PLSCR2: variants seen among roughly 807,000 people sequenced by gnomAD.
The protein encoded by PLSCR2 is phospholipid scramblase 2.
A neutral mutation model predicts 25.3 loss-of-function variants in PLSCR2; 18 were observed. That is an observed-to-expected ratio of 0.71 (90% confidence interval 0.49 to 1.06). The LOEUF (loss-of-function observed/expected upper bound fraction) is 1.06. PLSCR2 is among the 50% of genes least tolerant of loss of function. The pLI is 0.00. For synonymous variants in PLSCR2, 88 were observed against 87.3 expected, an observed-to-expected ratio of 1.01 and a Z score of -0.04; for missense variants, 243 against 269.5, an observed-to-expected ratio of 0.90 and a Z score of 0.69.
chr3:146,458,326 T>A, intron 3 of PLSCR2, 85 bp downstream of exon 3: 1 of 1,170,374 alleles, frequency 8.5e-7, no homozygotes, highest in Non-Finnish European at 1.2e-6. Context: ...TCACTCGGAA[T>A]GCTATATTTA....
chr3:146,483,443 ACACATG>A lies in PLSCR2; in HGVS notation c.-293+12446_-293+12451del, dbSNP rs1470848073. 4.7e-3 allele frequency among the ~76,000 whole-genome samples: 291 copies of A among 62,148 alleles called. 4 individuals are homozygous for A. The highest frequency in any genetic ancestry group is 0.01 in the East Asian group (24 of 2,342). 40.8% of individuals were successfully genotyped at this position (62,148 alleles called of 152,430 possible). ...ACTTAAACTTAATATATATATATATACACATGTATGTATATATATATATATATATAC... is the reference window on the plus strand; with the variant it reads ...ACTTAAACTTAATATATATATATATATATGTATATATATATATATATATAC... On this transcript the variant is annotated intron_variant, in intron 1 of 8. Transcript: ENST00000336685.
At chr3:146,412,038 G>A (rs961196175) in intron 2 of PLSCR2, among the ~76,000 whole-genome samples, 2 of 152,156 alleles carry the variant, frequency 1.3e-5, no homozygotes, top group African/African-American at 4.8e-5. Flanking sequence ...GAGCCAAGAT[G>A]GAGTCTGTCT....
chr3:146,492,922 GAA>G (rs1232253820), intron 1 of PLSCR2, among the ~76,000 whole-genome samples: 9 of 149,174 alleles, frequency 6.0e-5, no homozygotes. Context: ...GATGAATAAA[GAA>G]AAAAAGAGAA....
At chr3:146,419,542 A>AG (rs765364606) in intron 2 of PLSCR2, among the ~76,000 whole-genome samples, 2 of 152,142 alleles carry the variant, frequency 1.3e-5, no homozygotes, top group Non-Finnish European at 2.9e-5. Context: ...CTACATACTT[A>AG]GTGGCTTAAA....
At chr3:146,446,832 G>A (rs1197691595) in intron 6 of PLSCR2, among the ~76,000 whole-genome samples, 1 of 152,062 alleles carries the variant, frequency 6.6e-6, no homozygotes, top group Non-Finnish European at 1.5e-5. Context: ...TCTACTTGCT[G>A]CTCTATTCTG....
intron 6 of PLSCR2, among the ~76,000 whole-genome samples, chr3:146,445,050 C>G (rs1448253067): frequency 6.6e-6 from 1 of 152,036 alleles, no homozygotes; most frequent in Non-Finnish European, 1.5e-5. Flanking sequence ...AATAAAAAAT[C>G]TACACTTTAA....
At chr3:146,448,727 T>C (rs890972139) in intron 6 of PLSCR2, among the ~76,000 whole-genome samples, 2 of 152,248 alleles carry the variant, frequency 1.3e-5, no homozygotes, top group African/African-American at 4.8e-5. Context: ...TAAATATACA[T>C]TCAGAATCAC....
At chr3:146,426,405 G>T (rs1344105423) in intron 2 of PLSCR2, among the ~76,000 whole-genome samples, 1 of 151,934 alleles carries the variant, frequency 6.6e-6, no homozygotes, top group Non-Finnish European at 1.5e-5. Context: ...TTCAGACAAA[G>T]AACTTTAGAG....
intron 1 of PLSCR2, chr3:146,494,528 A>G (rs907627557): frequency 1.2e-4 from 19 of 152,214 alleles, no homozygotes; most frequent in African/African-American, 4.3e-4. Context: ...CAAAATATTT[A>G]ATTATGCCAG....
intron 6 of PLSCR2, among the ~76,000 whole-genome samples, chr3:146,443,828 T>G (rs1319061783): frequency 6.6e-6 from 1 of 152,002 alleles, no homozygotes; most frequent in East Asian, 1.9e-4. Context: ...CTTGTTTTTC[T>G]AACACTTTAA....
intron 6 of PLSCR2, 37 bp from the exon 7 acceptor site, chr3:146,441,858 A>G: frequency 7.2e-7 from 1 of 1,396,370 alleles, no homozygotes; most frequent in Non-Finnish European, 1.0e-6. Flanking sequence ...GAATTCTCAG[A>G]AACCAAACAG....
intron 2 of PLSCR2, among the ~76,000 whole-genome samples, chr3:146,408,080 A>G (rs2108026286): frequency 6.6e-6 from 1 of 152,332 alleles, no homozygotes; most frequent in South Asian, 2.1e-4. Flanking sequence ...ACTTTGAAGT[A>G]AAGTCTCTAC....
chr3:146,420,341 G>A (rs1432392379), intron 2 of PLSCR2, among the ~76,000 whole-genome samples: 1 of 151,860 alleles, frequency 6.6e-6, no homozygotes, highest in Non-Finnish European at 1.5e-5. Context: ...ATATATAAAT[G>A]ACAAATACAC....
At chr3:146,411,060 C>A (rs1190617509) in intron 2 of PLSCR2, among the ~76,000 whole-genome samples, 1 of 152,134 alleles carries the variant, frequency 6.6e-6, no homozygotes, top group East Asian at 1.9e-4. Flanking sequence ...ACACCATTCA[C>A]ACAGAATTTA....
chr3:146,458,326 T>C, intron 3 of PLSCR2, 85 bp downstream of exon 3: 1 of 1,170,374 alleles, frequency 8.5e-7, no homozygotes, highest in Non-Finnish European at 1.2e-6. Flanking sequence ...TCACTCGGAA[T>C]GCTATATTTA....
intron 3 of PLSCR2, among the ~76,000 whole-genome samples, chr3:146,457,045 C>G (rs2041259952): frequency 6.6e-6 from 1 of 151,852 alleles, no homozygotes; most frequent in Admixed American, 6.6e-5. Context: ...ACAAAGTGCT[C>G]CTTTCCAGAG....
chr3:146,456,795 A>G (rs2041246984), intron 3 of PLSCR2, among the ~76,000 whole-genome samples: 1 of 152,192 alleles, frequency 6.6e-6, no homozygotes, highest in African/African-American at 2.4e-5. Flanking sequence ...AATTTGAGAA[A>G]AAAAGAAAAG....
intron 2 of PLSCR2, 109 bp from the exon 3 acceptor site, chr3:146,458,562 C>T (rs1310259435): frequency 8.3e-6 from 6 of 720,192 alleles, no homozygotes; most frequent in African/African-American, 1.9e-5. Flanking sequence ...CGACATTTAT[C>T]AATATCAAAT....
upstream of PLSCR2, among the ~76,000 whole-genome samples, chr3:146,462,985 A>C (rs1314006744): frequency 6.6e-6 from 1 of 152,188 alleles, no homozygotes; most frequent in Non-Finnish European, 1.5e-5. Context: ...TTATCAGATC[A>C]CACCACTGCA....
Sources: gnomAD v4.1 joint callset for allele counts (sites outside exome capture counted in the v4.1 genomes callset) on GRCh38, gnomAD v4.1.1 for gene constraint, MANE v1.5 for transcripts, NCBI Gene and HGNC (gene_info 2026-07-23, HGNC 2026-07-21) for gene names.